Variants in ARMC2 observed in about 807,000 individuals in gnomAD.
The protein encoded by ARMC2 is armadillo repeat containing 2.
ARMC2 carries 67 observed loss-of-function variants against 90.3 expected under a neutral mutation model. The observed-to-expected ratio is 0.74, with a 90% confidence interval of 0.61 to 0.91. ARMC2 has a LOEUF of 0.91. Among genes scored for constraint, ARMC2 ranks in the 40% least tolerant of loss-of-function variants. ARMC2 has a pLI of 0.00. For missense variants in ARMC2, 920 were observed against 1,030.9 expected (o/e 0.89, Z 1.47); for synonymous variants, 393 against 393.0 (o/e 1.00, Z 0.00).
intron 5 of ARMC2, among the ~76,000 whole-genome samples, chr6:108,877,505 T>A (rs1399344592): frequency 6.6e-6 from 1 of 152,164 alleles, no homozygotes; most frequent in Non-Finnish European, 1.5e-5. Context: ...GACTTCAAAT[T>A]GGGACTTTGG....
At chr6:109,009,491 A>C in the ARMC2 span, 1 of 1,232,522 alleles carries the variant, frequency 8.1e-7, no homozygotes, top group Non-Finnish European at 1.0e-6. Context: ...GGACGCGCGG[A>C]GGCGGCGAGC....
intron 17 of ARMC2, among the ~76,000 whole-genome samples, chr6:108,967,563 T>G (rs979050874): frequency 5.3e-5 from 8 of 152,182 alleles, no homozygotes; most frequent in Non-Finnish European, 1.2e-4. Flanking sequence ...CCAACACAGA[T>G]GCCCAAGTGC....
intron 1 of ARMC2, among the ~76,000 whole-genome samples, chr6:108,853,867 G>A (rs1439018247): frequency 1.3e-5 from 2 of 151,884 alleles, no homozygotes; most frequent in Non-Finnish European, 2.9e-5. Flanking sequence ...GGGCAGTGGG[G>A]AAGAAAAGGA....
the ARMC2 span, chr6:108,992,904 GAA>G: frequency 3.8e-6 from 6 of 1,579,932 alleles, no homozygotes; most frequent in Non-Finnish European, 5.2e-6. Context: ...CATCATCTGG[GAA>G]AAAAGGCCAT....
chr6:108,850,373 C>G (rs1373494540), intron 1 of ARMC2, among the ~76,000 whole-genome samples: 2 of 152,112 alleles, frequency 1.3e-5, no homozygotes, highest in African/African-American at 4.8e-5. Flanking sequence ...GTTTGCATAC[C>G]TAGTGTTGTT....
At chr6:109,016,907 T>C in the ARMC2 span, among the ~76,000 whole-genome samples, 15,220 of 152,238 alleles carry the variant, frequency 0.1, 925 homozygotes, top group Middle Eastern at 0.19. Context: ...ACTAAAATAG[T>C]ATTTTATTCA....
chr6:108,924,815 G>A (rs1774956822), intron 10 of ARMC2, among the ~76,000 whole-genome samples: 1 of 152,212 alleles, frequency 6.6e-6, no homozygotes, highest in African/African-American at 2.4e-5. Flanking sequence ...AGCAGCTATG[G>A]GGGCAAACTG....
At chr6:108,952,602 GC>G (rs1777269986) in intron 12 of ARMC2, among the ~76,000 whole-genome samples, 1 of 145,630 alleles carries the variant, frequency 6.9e-6, no homozygotes, top group Non-Finnish European at 1.5e-5. Flanking sequence ...TGTCAATCCT[GC>G]CCAAATTCAA....
chr6:108,911,066 G>A (rs1478010718), intron 9 of ARMC2, 65 bp downstream of exon 9: 9 of 974,116 alleles, frequency 9.2e-6, no homozygotes, highest in African/African-American at 1.7e-5. Flanking sequence ...GAAGTCTGGA[G>A]AGAAAATATA....
At chr6:108,994,640 T>C in the ARMC2 span, 1 of 1,569,500 alleles carries the variant, frequency 6.4e-7, no homozygotes, top group Non-Finnish European at 8.7e-7. Context: ...ATGTTACATG[T>C]GGCAGACATA....
intron 12 of ARMC2, among the ~76,000 whole-genome samples, chr6:108,940,507 C>T (rs924038085): frequency 5.3e-5 from 8 of 152,168 alleles, no homozygotes; most frequent in Admixed American, 4.6e-4. Flanking sequence ...GCCACCCCAA[C>T]CTAATCTTCT....
chr6:108,887,466 A>G lies in ARMC2; in HGVS notation c.672-7001A>G, dbSNP rs560443769. ...CTGAGGAGAGGCCTGGGAATGCCAGACCCATTTTGCTTTAATCAGAACTCC... is the reference window on the plus strand; with the variant it reads ...CTGAGGAGAGGCCTGGGAATGCCAGGCCCATTTTGCTTTAATCAGAACTCC... On this transcript the variant is annotated intron_variant, in intron 5 of 17. Coordinates refer to ENST00000392644, the MANE Select transcript of ARMC2 (RefSeq NM_032131.6). Among the ~76,000 whole-genome samples, 7 of 152,148 alleles carry G rather than the reference A, an allele frequency of 4.6e-5. No individual in the cohort carries two copies. The South Asian group carries it at 1.5e-3, about 32-fold the overall frequency.
the ARMC2 span, among the ~76,000 whole-genome samples, chr6:109,032,412 T>C: frequency 6.6e-6 from 1 of 152,058 alleles, no homozygotes; most frequent in Non-Finnish European, 1.5e-5. Context: ...AGGTCAGGAA[T>C]TCAAGACCAG....
At chr6:108,876,469 T>G (rs997912662) in intron 5 of ARMC2, 119 bp downstream of exon 5, 2 of 993,940 alleles carry the variant, frequency 2.0e-6, no homozygotes, top group Non-Finnish European at 3.0e-6. Context: ...AAATTTTATG[T>G]TAAGGGTACA....
At chr6:108,960,791 G>A (rs1292018789) in intron 13 of ARMC2, among the ~76,000 whole-genome samples, 2 of 152,198 alleles carry the variant, frequency 1.3e-5, no homozygotes, top group Non-Finnish European at 2.9e-5. Flanking sequence ...CCAGAAGAAA[G>A]TTCAGCAGTG....
At chr6:108,947,138 G>C (rs1776857472) in intron 12 of ARMC2, among the ~76,000 whole-genome samples, 1 of 152,178 alleles carries the variant, frequency 6.6e-6, no homozygotes, top group African/African-American at 2.4e-5. Context: ...ATTAGCCCAG[G>C]TCGGCATGGG....
chr6:108,895,015 C>T (rs1771460274), intron 6 of ARMC2, among the ~76,000 whole-genome samples: 1 of 151,166 alleles, frequency 6.6e-6, no homozygotes, highest in Non-Finnish European at 1.5e-5. Flanking sequence ...ATCCGCCTGC[C>T]TCAGCCTTCC....
the ARMC2 span, chr6:108,988,532 T>A: frequency 6.3e-7 from 1 of 1,594,924 alleles, no homozygotes. Flanking sequence ...TAAGCCACAA[T>A]AGGCACATAC....
chr6:108,873,915 A>G (rs1274462978), intron 4 of ARMC2, among the ~76,000 whole-genome samples: 1 of 152,190 alleles, frequency 6.6e-6, no homozygotes, highest in Non-Finnish European at 1.5e-5. Flanking sequence ...CCCCTGCTAG[A>G]TAGAGCAACG....
Sources: gnomAD v4.1 joint callset for allele counts (sites outside exome capture counted in the v4.1 genomes callset) on GRCh38, gnomAD v4.1.1 for gene constraint, MANE v1.5 for transcripts, NCBI Gene and HGNC (gene_info 2026-07-23, HGNC 2026-07-21) for gene names.